MARCHF3: variants seen among roughly 807,000 people sequenced by gnomAD.
MARCHF3 encodes E3 ubiquitin-protein ligase MARCHF3.
Under a neutral mutation model 24.2 loss-of-function variants are expected in MARCHF3, and 13 were observed. The observed-to-expected ratio is 0.54, with a 90% CI of 0.35 to 0.85. The LOEUF (loss-of-function observed/expected upper bound fraction) is 0.85. MARCHF3 is among the 40% of genes least tolerant of loss of function. The pLI is 0.01. For missense variants in MARCHF3, 276 were observed against 325.0 expected (o/e 0.85, Z 1.16); for synonymous variants, 144 against 137.3 (o/e 1.05, Z -0.34).
rs567623892 is a variant in MARCHF3 at position 127,017,033 on chromosome 5, A to G, written c.-57+13317T>C. Among the ~76,000 whole-genome samples, 7 of 152,250 alleles carry G rather than the reference A, an allele frequency of 4.6e-5. No individual in the cohort carries two copies. The East Asian group carries it at 1.4e-3, about 29-fold the overall frequency. On this transcript the variant is annotated intron_variant, in intron 1 of 4. Transcript: ENST00000308660. ...ACAAGGATAGAAAACCAAACACCGC[A>G]TGTTCTCACTCTTAGGTGTGAATTG...
chr5:127,026,842 C>T (rs1254455483), intron 1 of MARCHF3, among the ~76,000 whole-genome samples: 2 of 152,206 alleles, frequency 1.3e-5, no homozygotes, highest in Non-Finnish European at 2.9e-5. Flanking sequence ...ACAGAAATTA[C>T]TCTGTAAAAG....
chr5:126,987,430 T>G (rs1438238043), intron 1 of MARCHF3, among the ~76,000 whole-genome samples: 4 of 152,218 alleles, frequency 2.6e-5, no homozygotes, highest in Non-Finnish European at 1.5e-5. Context: ...TGCTATGAAT[T>G]TGGGACTCAA....
At chr5:126,876,068 T>G (rs1415021766) in intron 4 of MARCHF3, among the ~76,000 whole-genome samples, 2 of 152,188 alleles carry the variant, frequency 1.3e-5, no homozygotes, top group African/African-American at 2.4e-5. Context: ...AAGAGCCTAG[T>G]CTAGGTACCT....
At chr5:126,915,735 G>T (rs1031357504) in intron 2 of MARCHF3, among the ~76,000 whole-genome samples, 10 of 152,278 alleles carry the variant, frequency 6.6e-5, no homozygotes, top group African/African-American at 2.4e-4. Context: ...AACTGAAAGC[G>T]AGTAATGAGT....
At chr5:126,986,741 T>C (rs1052345213) in intron 1 of MARCHF3, among the ~76,000 whole-genome samples, 5 of 152,224 alleles carry the variant, frequency 3.3e-5, no homozygotes, top group Admixed American at 1.3e-4. Flanking sequence ...CTGACCTTCG[T>C]TGACATGCCA....
intron 1 of MARCHF3, among the ~76,000 whole-genome samples, chr5:127,027,747 T>C (rs577180829): frequency 2.0e-5 from 3 of 152,328 alleles, no homozygotes; most frequent in South Asian, 2.1e-4. Context: ...GGCCAGTAAA[T>C]GCCACCTGGA....
chr5:126,960,087 T>C (rs1267127518), intron 1 of MARCHF3, among the ~76,000 whole-genome samples: 1 of 152,162 alleles, frequency 6.6e-6, no homozygotes, highest in African/African-American at 2.4e-5. Context: ...CAACGGTCCA[T>C]ACAACGGTTT....
intron 4 of MARCHF3, among the ~76,000 whole-genome samples, chr5:126,873,859 G>A (rs2126764860): frequency 6.6e-6 from 1 of 152,332 alleles, no homozygotes; most frequent in East Asian, 1.9e-4. Context: ...CAACGCCAAG[G>A]AGACCACAGG....
At chr5:126,954,561 G>T (rs1470373281) in intron 1 of MARCHF3, among the ~76,000 whole-genome samples, 1 of 151,056 alleles carries the variant, frequency 6.6e-6, no homozygotes, top group East Asian at 1.9e-4. Flanking sequence ...TTGTAGAGAG[G>T]GGTCTCCCTA....
At chr5:127,002,995 A>C (rs1752178268) in intron 1 of MARCHF3, among the ~76,000 whole-genome samples, 1 of 152,206 alleles carries the variant, frequency 6.6e-6, no homozygotes. Context: ...ACAGGAAAGC[A>C]ACAATCACAA....
intron 1 of MARCHF3, among the ~76,000 whole-genome samples, chr5:126,969,295 GA>G (rs1255103839): frequency 6.6e-6 from 1 of 152,168 alleles, no homozygotes; most frequent in East Asian, 1.9e-4. Context: ...TGGATGATTG[GA>G]ACTTTTTTTG....
At chr5:126,892,548 A>G (rs950761585) in intron 3 of MARCHF3, among the ~76,000 whole-genome samples, 4 of 149,116 alleles carry the variant, frequency 2.7e-5, no homozygotes, top group African/African-American at 7.7e-5. Context: ...TGAGATACTC[A>G]TGTGGTTTTT....
Position 126,914,972 on chromosome 5 carries a change from G to A in MARCHF3, c.351C>T (p.His117=), listed in dbSNP as rs368564009. 8.5e-5 allele frequency: 138 copies of A among 1,614,240 alleles called. No homozygotes were observed. Among genetic ancestry groups the A allele is most frequent in the Admixed American group, 4.7e-4 (28 of 60,026 alleles). Residue 117 remains histidine (H), a synonymous_variant, in exon 3 of 5, where the codon CAC becomes CAT. Transcript: ENST00000308660. Reference sequence around the variant, plus strand: ...GTTTGCGCTCGACTGCAAACCTGAAGTGGCAGAGTTCACAGTAGCTGGTGT... The same window carrying A: ...GTTTGCGCTCGACTGCAAACCTGAAATGGCAGAGTTCACAGTAGCTGGTGT... ...SSNTSYCELC[H]FRFAVERKPR...
chr5:126,874,919 ACAAT>A (rs1262000933), intron 4 of MARCHF3, among the ~76,000 whole-genome samples: 1 of 152,102 alleles, frequency 6.6e-6, no homozygotes, highest in Non-Finnish European at 1.5e-5. Context: ...AAGAATTTAA[ACAAT>A]CAAACCTTGG....
intron 1 of MARCHF3, among the ~76,000 whole-genome samples, chr5:127,012,354 C>T (rs568067009): frequency 6.6e-6 from 1 of 152,134 alleles, no homozygotes; most frequent in South Asian, 2.1e-4. Context: ...AAAAAGCAAC[C>T]TGTGAAAATG....
chr5:126,956,645 CAAAAAAAAAAAA>C (rs60640113), intron 1 of MARCHF3, among the ~76,000 whole-genome samples: 2 of 20,614 alleles, frequency 9.7e-5, no homozygotes, highest in South Asian at 1.7e-3. Context: ...GCTCTGTCTC[CAAAAAAAAAAAA>C]AAAAAAAAAA....
intron 1 of MARCHF3, among the ~76,000 whole-genome samples, 196 bp from the exon 2 acceptor site, chr5:126,918,423 A>C (rs1204609201): frequency 6.6e-6 from 1 of 152,092 alleles, no homozygotes; most frequent in Non-Finnish European, 1.5e-5. Flanking sequence ...GAAACAGCAG[A>C]TATGGTATGA....
chr5:126,958,558 T>G (rs1451713756), intron 1 of MARCHF3, among the ~76,000 whole-genome samples: 1 of 152,208 alleles, frequency 6.6e-6, no homozygotes, highest in African/African-American at 2.4e-5. Flanking sequence ...TCTGATCTAA[T>G]CTGCTCATCA....
chr5:126,911,159 T>C (rs1196408246), intron 3 of MARCHF3, among the ~76,000 whole-genome samples: 1 of 152,208 alleles, frequency 6.6e-6, no homozygotes, highest in Non-Finnish European at 1.5e-5. Context: ...GAAACTTCAT[T>C]AGCAATTTTA....
Sources: allele counts gnomAD v4.1 joint callset (sites outside exome capture counted in the v4.1 genomes callset), GRCh38; gene constraint gnomAD v4.1.1; transcripts MANE v1.5; gene names NCBI Gene and HGNC (gene_info 2026-07-23, HGNC 2026-07-21).